Variants in TTC28 observed in about 807,000 individuals in gnomAD.
TTC28 encodes tetratricopeptide repeat protein 28.
Under a neutral mutation model 198.0 loss-of-function variants are expected in TTC28, and 61 were observed. The observed-to-expected ratio is 0.31, with a 90% CI of 0.25 to 0.38. TTC28 has a LOEUF of 0.38. Among genes scored for constraint, TTC28 ranks in the 10% least tolerant of loss-of-function variants. The pLI is 1.00. For synonymous variants in TTC28, 1,171 were observed against 1,297.8 expected, an observed-to-expected ratio of 0.90 and a Z score of 2.10; for missense variants, 2,678 against 3,164.0, an observed-to-expected ratio of 0.85 and a Z score of 3.69.
At chr22:28,452,127 C>T (rs965280162) in intron 2 of TTC28, among the ~76,000 whole-genome samples, 9 of 152,050 alleles carry the variant, frequency 5.9e-5, no homozygotes, top group Non-Finnish European at 1.0e-4. Flanking sequence ...CGATGGCTCA[C>T]GCCTGTAATC....
Position 27,978,959 on chromosome 22 carries a change from G to C in TTC28, c.*3262C>G, listed in dbSNP as rs1482908763. 1 of 152,256 alleles carries C rather than the reference G, an allele frequency of 6.6e-6. No individual in the cohort carries two copies. The highest frequency in any genetic ancestry group is 1.9e-4 in the East Asian group (1 of 5,182). 9.4% of individuals were successfully genotyped at this position (152,256 alleles called of 1,614,324 possible). A position where few individuals can be genotyped will look rare whatever the true frequency, so the allele number is the denominator to read the frequency against. On this transcript the variant is annotated 3_prime_UTR_variant, in exon 23 of 23. Transcript: ENST00000397906. ...ATGCAATGCTTTCTGCAAATGGTAA[G>C]GAAAAAATTGTTTTGTAAATATTAC...
At chr22:28,413,223 C>A (rs2047111767) in intron 2 of TTC28, among the ~76,000 whole-genome samples, 1 of 152,046 alleles carries the variant, frequency 6.6e-6, no homozygotes, top group South Asian at 2.1e-4. Context: ...ATGACGAGGT[C>A]AAGAGATCAA....
chr22:28,263,877 G>A (rs1300228014), intron 5 of TTC28, among the ~76,000 whole-genome samples: 1 of 152,106 alleles, frequency 6.6e-6, no homozygotes, highest in East Asian at 1.9e-4. Flanking sequence ...GGATCACAGA[G>A]GGCCATGGCT....
At chr22:28,004,477 G>A (rs540638407) in intron 14 of TTC28, among the ~76,000 whole-genome samples, 11 of 152,302 alleles carry the variant, frequency 7.2e-5, no homozygotes, top group African/African-American at 2.6e-4. Flanking sequence ...GAGATAGGGA[G>A]GCTGTTCTCT....
chr22:28,479,670 T>C (rs536506567), intron 2 of TTC28, among the ~76,000 whole-genome samples: 1 of 152,274 alleles, frequency 6.6e-6, no homozygotes, highest in South Asian at 2.1e-4. Context: ...ACAATCAGAA[T>C]CTCAAAGCTT....
intron 2 of TTC28, among the ~76,000 whole-genome samples, chr22:28,384,798 C>A (rs1193040744): frequency 2.0e-5 from 3 of 152,108 alleles, no homozygotes; most frequent in Non-Finnish European, 4.4e-5. Context: ...TTTCTGTACC[C>A]AAACTTTGTC....
chr22:28,493,517 AT>A (rs2048407932), intron 2 of TTC28, among the ~76,000 whole-genome samples: 1 of 152,330 alleles, frequency 6.6e-6, no homozygotes, highest in Admixed American at 6.5e-5. Flanking sequence ...AGCTGGTGAC[AT>A]TGTTTTGTAG....
intron 2 of TTC28, among the ~76,000 whole-genome samples, chr22:28,586,446 T>C (rs946734836): frequency 6.6e-6 from 1 of 151,890 alleles, no homozygotes; most frequent in African/African-American, 2.4e-5. Flanking sequence ...GAACAACCGA[T>C]GGGGCAAGAC....
chr22:28,230,660 G>GA (rs1312826174), intron 5 of TTC28, among the ~76,000 whole-genome samples: 2 of 152,174 alleles, frequency 1.3e-5, no homozygotes, highest in Admixed American at 6.5e-5. Flanking sequence ...GGAGGTTCGA[G>GA]AGAAATAGGA....
chr22:27,990,628 C>T (rs1052070566), intron 20 of TTC28, among the ~76,000 whole-genome samples, 161 bp downstream of exon 20: 4 of 152,122 alleles, frequency 2.6e-5, no homozygotes, highest in African/African-American at 4.8e-5. Flanking sequence ...GGGGACGGGC[C>T]GCCAGTCCAG....
At chr22:28,650,374 T>C (rs1014294447) in intron 1 of TTC28, among the ~76,000 whole-genome samples, 1 of 152,168 alleles carries the variant, frequency 6.6e-6, no homozygotes, top group Admixed American at 6.6e-5. Flanking sequence ...CAATGAAAGG[T>C]GCAAATCTCT....
chr22:28,309,782 G>A (rs1423058069), intron 2 of TTC28, among the ~76,000 whole-genome samples: 1 of 152,084 alleles, frequency 6.6e-6, no homozygotes, highest in Non-Finnish European at 1.5e-5. Context: ...CCACATACTG[G>A]TCATTGGTTT....
chr22:28,597,977 C>T (rs947367639), intron 2 of TTC28, among the ~76,000 whole-genome samples: 3 of 151,952 alleles, frequency 2.0e-5, no homozygotes, highest in African/African-American at 7.2e-5. Context: ...ATCCTCCAGC[C>T]TCAGCCTCCC....
At chr22:28,371,401 T>C (rs1346522006) in intron 2 of TTC28, among the ~76,000 whole-genome samples, 1 of 140,694 alleles carries the variant, frequency 7.1e-6, no homozygotes, top group Non-Finnish European at 1.5e-5. Context: ...TCCCAGCTAC[T>C]GGGGAGGCTG....
intron 3 of TTC28, among the ~76,000 whole-genome samples, chr22:28,298,441 T>C (rs2044946662): frequency 6.6e-6 from 1 of 152,150 alleles, no homozygotes; most frequent in Non-Finnish European, 1.5e-5. Context: ...CCCTAACATG[T>C]CTGGCATTTG....
At chr22:28,587,050 T>C (rs1211912856) in intron 2 of TTC28, among the ~76,000 whole-genome samples, 2 of 152,074 alleles carry the variant, frequency 1.3e-5, no homozygotes, top group African/African-American at 4.8e-5. Context: ...GGTGAAACCC[T>C]GTCTCTACTA....
intron 5 of TTC28, among the ~76,000 whole-genome samples, chr22:28,166,209 C>A (rs913718499): frequency 6.6e-6 from 1 of 152,166 alleles, no homozygotes; most frequent in East Asian, 1.9e-4. Context: ...GACTTTGACT[C>A]CCACTCAATA....
chr22:28,442,418 C>G (rs779967061), intron 2 of TTC28, among the ~76,000 whole-genome samples: 4 of 152,248 alleles, frequency 2.6e-5, no homozygotes, highest in African/African-American at 7.2e-5. Flanking sequence ...GCTCGCCCCC[C>G]AGCGGGGCCC....
Position 28,089,769 on chromosome 22 carries a change from G to T in TTC28, c.3932+4311C>A, listed in dbSNP as rs191936271. On this transcript the variant is annotated intron_variant, in intron 12 of 22. Coordinates refer to ENST00000397906, the MANE Select transcript of TTC28 (RefSeq NM_001145418.2). Reference sequence around the variant, plus strand: ...GAAAATGTGGCATGTATACACCATGGAATACTATGCAGCCATAAAAAATGA... The same window carrying T: ...GAAAATGTGGCATGTATACACCATGTAATACTATGCAGCCATAAAAAATGA... Among the ~76,000 whole-genome samples, 29 of 150,470 alleles carry T rather than the reference G, an allele frequency of 1.9e-4. No homozygotes were observed. In the East Asian group the frequency reaches 4.9e-3, roughly 25 times the overall value.
Sources: gnomAD v4.1 joint callset for allele counts (sites outside exome capture counted in the v4.1 genomes callset) on GRCh38, gnomAD v4.1.1 for gene constraint, MANE v1.5 for transcripts, NCBI Gene and HGNC (gene_info 2026-07-23, HGNC 2026-07-21) for gene names.